FRMD3: variants seen among roughly 807,000 people sequenced by gnomAD.
FRMD3 encodes FERM domain containing 3, also known as FERM domain-containing protein 3.
Under a neutral mutation model 70.2 loss-of-function variants are expected in FRMD3, and 33 were observed. The observed-to-expected ratio is 0.47, with a 90% CI of 0.36 to 0.63. The LOEUF (loss-of-function observed/expected upper bound fraction) is 0.63. Among genes scored for constraint, FRMD3 ranks in the 20% least tolerant of loss-of-function variants. FRMD3 has a pLI of 0.00. For synonymous variants in FRMD3, 279 were observed against 255.9 expected, an observed-to-expected ratio of 1.09 and a Z score of -0.86; for missense variants, 632 against 711.4, an observed-to-expected ratio of 0.89 and a Z score of 1.27.
intron 13 of FRMD3, among the ~76,000 whole-genome samples, chr9:83,263,082 G>A (rs1025931067): frequency 3.9e-5 from 6 of 152,174 alleles, no homozygotes; most frequent in Non-Finnish European, 7.3e-5. Context: ...CTTATCTGTT[G>A]ACATTGTTGT....
chr9:83,389,503 T>C, intron 2 of FRMD3, 101 bp downstream of exon 2: 1 of 762,568 alleles, frequency 1.3e-6, no homozygotes, highest in Non-Finnish European at 2.3e-6. Context: ...CAATAATCTA[T>C]GAGAACAAGG....
At chr9:83,257,546 A>G (rs1269354801) in intron 13 of FRMD3, among the ~76,000 whole-genome samples, 2 of 152,190 alleles carry the variant, frequency 1.3e-5, no homozygotes, top group African/African-American at 2.4e-5. Flanking sequence ...TTGAGTGTAA[A>G]TTGTAAAACA....
At chr9:83,441,362 G>A (rs952731300) in intron 1 of FRMD3, among the ~76,000 whole-genome samples, 20 of 152,312 alleles carry the variant, frequency 1.3e-4, no homozygotes, top group Admixed American at 9.8e-4. Context: ...CAATTCACCA[G>A]TCGAGGATCC....
chr9:83,392,428 G>A (rs1261885492), intron 1 of FRMD3, among the ~76,000 whole-genome samples: 2 of 152,200 alleles, frequency 1.3e-5, no homozygotes, highest in African/African-American at 2.4e-5. Context: ...AAGGTTGGAA[G>A]AGCTGGTTCA....
At chr9:83,362,373 T>C (rs543269335) in intron 3 of FRMD3, among the ~76,000 whole-genome samples, 7 of 152,310 alleles carry the variant, frequency 4.6e-5, no homozygotes, top group African/African-American at 1.7e-4. Context: ...CATCCCAGGT[T>C]TCCAGGGAGT....
At chr9:83,577,396 T>A in the FRMD3 span, among the ~76,000 whole-genome samples, 1 of 152,052 alleles carries the variant, frequency 6.6e-6, no homozygotes, top group Non-Finnish European at 1.5e-5. Context: ...AGTTCACATA[T>A]AAACCTTCAC....
the FRMD3 span, among the ~76,000 whole-genome samples, chr9:83,552,267 C>T: frequency 9.2e-5 from 14 of 152,134 alleles, no homozygotes; most frequent in African/African-American, 2.2e-4. Context: ...TTAATTTCCA[C>T]GTAATTGTAT....
chr9:83,361,058 G>A (rs1824567350), intron 3 of FRMD3, among the ~76,000 whole-genome samples: 1 of 152,142 alleles, frequency 6.6e-6, no homozygotes, highest in South Asian at 2.1e-4. Context: ...GGTGTCCAAC[G>A]CTGGAGACAC....
chr9:83,308,291 A>T (rs1461935052), intron 10 of FRMD3, among the ~76,000 whole-genome samples: 3 of 152,158 alleles, frequency 2.0e-5, no homozygotes, highest in Non-Finnish European at 4.4e-5. Context: ...CCCATCTACC[A>T]CCACAACTTC....
intron 1 of FRMD3, among the ~76,000 whole-genome samples, chr9:83,455,385 T>C (rs76755826): frequency 6.6e-6 from 1 of 152,152 alleles, no homozygotes; most frequent in Non-Finnish European, 1.5e-5. Context: ...GGGGAGGTAA[T>C]TGAATCATGG....
chr9:83,557,192 G>A, the FRMD3 span, among the ~76,000 whole-genome samples: 1 of 152,296 alleles, frequency 6.6e-6, no homozygotes, highest in East Asian at 1.9e-4. Flanking sequence ...CTGCTGATAA[G>A]TCTTCTCTTC....
chr9:83,291,586 T>C (rs541806151), intron 12 of FRMD3, among the ~76,000 whole-genome samples: 2 of 152,150 alleles, frequency 1.3e-5, no homozygotes, highest in South Asian at 2.1e-4. Context: ...TCTCTCTCTC[T>C]CCCTTCCTCT....
intron 1 of FRMD3, among the ~76,000 whole-genome samples, chr9:83,518,356 G>A (rs1001911548): frequency 1.1e-4 from 17 of 152,214 alleles, no homozygotes; most frequent in African/African-American, 4.1e-4. Flanking sequence ...TAGACAAACT[G>A]AGAGCCAAAT....
the FRMD3 span, among the ~76,000 whole-genome samples, chr9:83,559,848 TA>T: frequency 6.6e-6 from 1 of 152,094 alleles, no homozygotes; most frequent in African/African-American, 2.4e-5. Flanking sequence ...CATTAAAAAT[TA>T]AAAATATTTT....
In FRMD3 at chr9:83,537,975, TC is replaced by T. The variant is rs1351000991; in HGVS notation, c.147+109del. On this transcript the variant is annotated intron_variant, in intron 1 of 13. Coordinates refer to ENST00000304195, the MANE Select transcript of FRMD3 (RefSeq NM_174938.6). This position sits in a 1 kb window ranked among gnomAD's most constrained non-coding sequence, Gnocchi z 4.1. ...GAATCGAAATCTGGCTTTCTAGCAG[TC>T]CCCCAATCCCCTCCGGGAGTGGGTT... is the stretch of plus-strand genomic sequence containing the variant. The T allele has an allele frequency of 4.9e-6, 6 of 1,233,738 alleles. No individual in the cohort carries two copies. Among genetic ancestry groups the T allele is most frequent in the Non-Finnish European group, 6.8e-6 (6 of 886,172 alleles). The allele number at this position is 1,233,738 out of a possible 1,614,324, so 76.4% of individuals were successfully genotyped here. A position where few individuals can be genotyped will look rare whatever the true frequency, so the allele number is the denominator to read the frequency against.
At chr9:83,493,495 C>T (rs1182915956) in intron 1 of FRMD3, among the ~76,000 whole-genome samples, 2 of 152,354 alleles carry the variant, frequency 1.3e-5, no homozygotes, top group Admixed American at 1.3e-4. Flanking sequence ...GCACTGGCTC[C>T]ACTGAAACCT....
intron 1 of FRMD3, among the ~76,000 whole-genome samples, chr9:83,490,341 G>A (rs1389766958): frequency 6.8e-6 from 1 of 146,724 alleles, no homozygotes; most frequent in Non-Finnish European, 1.5e-5. Flanking sequence ...CCAGGGTGGA[G>A]TGCCAATGGC....
At chr9:83,567,257 C>T in the FRMD3 span, among the ~76,000 whole-genome samples, 1 of 152,220 alleles carries the variant, frequency 6.6e-6, no homozygotes. Flanking sequence ...ACAGCTGGAG[C>T]AGCTGGGACA....
chr9:83,511,984 T>C (rs1426397447), intron 1 of FRMD3, among the ~76,000 whole-genome samples: 2 of 152,316 alleles, frequency 1.3e-5, no homozygotes, highest in East Asian at 1.9e-4. Flanking sequence ...TATGTTAAAC[T>C]TCAAGATCTT....
Sources: allele counts gnomAD v4.1 joint callset (sites outside exome capture counted in the v4.1 genomes callset), GRCh38; gene constraint gnomAD v4.1.1; non-coding constraint Gnocchi (gnomAD v3.1); transcripts MANE v1.5; gene names NCBI Gene and HGNC (gene_info 2026-07-23, HGNC 2026-07-21).